The following LCN6 variants were observed in gnomAD, a reference collection of about 807,000 sequenced individuals.
The protein encoded by LCN6 is epididymal-specific lipocalin-6.
Under a neutral mutation model 21.4 loss-of-function variants are expected in LCN6, and 20 were observed. That is an observed-to-expected ratio of 0.93 (90% CI 0.66 to 1.36). LCN6 has a LOEUF of 1.36. LCN6 is among the 40% of genes most tolerant of loss of function. The probability of loss-of-function intolerance (pLI) is 0.00; values close to 1 mark genes in which losing one functional copy is unlikely to be tolerated. For missense variants in LCN6, 217 were observed against 206.6 expected (o/e 1.05, Z -0.31); for synonymous variants, 96 against 89.0 (o/e 1.08, Z -0.44).
intron 2 of LCN6, 45 bp from the exon 3 acceptor site, chr9:136,745,959 G>A (rs544115828): frequency 5.7e-6 from 9 of 1,573,142 alleles, no homozygotes; most frequent in Non-Finnish European, 7.9e-6. Flanking sequence ...CAAGACCCCG[G>A]GGCCCGGTGA....
intron 4 of LCN6, 25 bp downstream of exon 4, chr9:136,745,145 C>T (rs770065011): frequency 2.5e-5 from 34 of 1,361,616 alleles, no homozygotes; most frequent in South Asian, 3.5e-5. Context: ...CAGCTCCCTA[C>T]GTGGGCCCCG....
intron 1 of LCN6, 82 bp downstream of exon 1, chr9:136,748,312 T>TG (rs915118756): frequency 1.6e-6 from 2 of 1,266,170 alleles, no homozygotes; most frequent in African/African-American, 3.0e-5. Flanking sequence ...GGGCTAGCCC[T>TG]GGGGGGCCCA....
Position 136,744,453 on chromosome 9 carries a change from A to T in LCN6, c.*23-89T>A. On this transcript the variant is annotated intron_variant, in intron 5 of 6. Transcript: ENST00000341206. This position sits in a 1 kb window ranked among gnomAD's most constrained non-coding sequence, Gnocchi z 4.2. The stretch of plus-strand genomic sequence containing the variant: ...CCCACAAGACTCGCCTGCCGTGGGG[A>T]CAAGACCCCCAGGCCTGACTTTGGG... 2.0e-6 allele frequency: 1 copy of T among 509,916 alleles called. No homozygotes were observed. Among genetic ancestry groups the T allele is most frequent in the South Asian group, 3.1e-5 (1 of 31,838 alleles). The allele number at this position is 509,916 out of a possible 1,614,324, so 31.6% of individuals were successfully genotyped here.
At position 136,744,527 on chromosome 9, in the gene LCN6, C is replaced by A; in HGVS notation, c.*22+113G>T. The A allele has an allele frequency of 1.5e-6, 1 of 667,926 alleles. No homozygotes were observed. Among genetic ancestry groups the A allele is most frequent in the Non-Finnish European group, 2.6e-6 (1 of 384,156 alleles). 41.4% of individuals were successfully genotyped at this position (667,926 alleles called of 1,614,324 possible). ...AGCCTGCCTGACTCCTTCAGGGCGACTGAGTCAGGCAGAAGCCAGAATCAA... is the reference window on the plus strand; with the variant it reads ...AGCCTGCCTGACTCCTTCAGGGCGAATGAGTCAGGCAGAAGCCAGAATCAA... On this transcript the variant is annotated intron_variant, in intron 5 of 6. Transcript: ENST00000341206. The surrounding 1 kb of genome is among the most constrained non-coding windows in gnomAD (Gnocchi z 4.2).
At chr9:136,746,182 G>C (rs1424714690) in intron 2 of LCN6, among the ~76,000 whole-genome samples, 3 of 151,358 alleles carry the variant, frequency 2.0e-5, no homozygotes, top group African/African-American at 7.3e-5. Flanking sequence ...GGACACAACA[G>C]GAGACTCGAC....
intron 1 of LCN6, 75 bp from the exon 2 acceptor site, chr9:136,747,638 A>G: frequency 1.0e-6 from 1 of 963,256 alleles, no homozygotes; most frequent in Non-Finnish European, 1.4e-6. Context: ...CTCCAGCCTC[A>G]GCCTCCAGCC....
chr9:136,746,152 G>C (rs1053140342), intron 2 of LCN6: 2 of 534,414 alleles, frequency 3.7e-6, no homozygotes, highest in Non-Finnish European at 6.7e-6. Context: ...ATCTCCACCA[G>C]GAACGCTGAA....
chr9:136,744,873 C>T lies in LCN6; in HGVS notation c.413-132G>A. ...GGCCCCGGTCCTTCCAAAGCCACCTCCAGTGCAGCGAGCCTCAAGGTGGGG... is the reference window on the plus strand; with the variant it reads ...GGCCCCGGTCCTTCCAAAGCCACCTTCAGTGCAGCGAGCCTCAAGGTGGGG... On this transcript the variant is annotated intron_variant, in intron 4 of 6. Transcript: ENST00000341206. This position sits in a 1 kb window ranked among gnomAD's most constrained non-coding sequence, Gnocchi z 4.2. 1.4e-6 allele frequency: 1 copy of T among 700,164 alleles called. No individual in the cohort carries two copies. Among genetic ancestry groups the T allele is most frequent in the South Asian group, 1.7e-5 (1 of 58,918 alleles). 43.4% of individuals were successfully genotyped at this position (700,164 alleles called of 1,614,324 possible).
rs770065023 is a variant in LCN6 at position 136,748,487 on chromosome 9, C to T, written c.-4G>A. 1.9e-6 allele frequency: 3 copies of T among 1,612,522 alleles called. No individual in the cohort carries two copies. Among genetic ancestry groups the T allele is most frequent in the African/African-American group, 2.7e-5 (2 of 74,870 alleles). On this transcript the variant is annotated 5_prime_UTR_variant, in exon 1 of 7. Transcript: ENST00000341206. ...CAGCCAGCAGCAGGCCGCCCATCCT[C>T]CCAGGTCTACACTGCGCCGCAGGCC...
chr9:136,746,215 T>G (rs1472519635), intron 2 of LCN6, among the ~76,000 whole-genome samples: 1 of 120,792 alleles, frequency 8.3e-6, no homozygotes, highest in East Asian at 2.7e-4. Context: ...CGCCCGCGAC[T>G]CGGGGGAAAG....
At position 136,745,744 on chromosome 9, in the gene LCN6, G is replaced by T. The variant is rs1847028493; in HGVS notation, c.301+100C>A. ...CAAGACCAGAACCTGTAGCCTCCTGGCTCTCGGGAGCGGAGTCAGCCCTCC... is the reference window on the plus strand; with the variant it reads ...CAAGACCAGAACCTGTAGCCTCCTGTCTCTCGGGAGCGGAGTCAGCCCTCC... On this transcript the variant is annotated intron_variant, in intron 3 of 6. Coordinates refer to ENST00000341206, the MANE Select transcript of LCN6 (RefSeq NM_198946.3). 5.9e-6 allele frequency: 6 copies of T among 1,018,726 alleles called. No homozygotes were observed. In the African/African-American group the frequency reaches 7.9e-5, roughly 13 times the overall value. 63.1% of individuals were successfully genotyped at this position (1,018,726 alleles called of 1,614,324 possible).
intron 2 of LCN6, 108 bp downstream of exon 2, chr9:136,747,316 G>T: frequency 1.5e-6 from 2 of 1,295,648 alleles, no homozygotes; most frequent in Non-Finnish European, 2.1e-6. Context: ...CAGAGGGGCC[G>T]TGGGAAGCCC....
Position 136,744,707 on chromosome 9 carries a change from C to T in LCN6, c.447G>A (p.Gly149=), listed in dbSNP as rs1415319024. Residue 149 remains glycine (G), a synonymous_variant, in exon 5 of 7, where the codon GGG becomes GGA. Transcript: ENST00000341206. The surrounding 1 kb of genome is among the most constrained non-coding windows in gnomAD (Gnocchi z 4.2). The part of the protein sequence containing the change: ...LTETASQEAM[G]LFTKWSRSLG... ...GGCTCCTGCTCCACTTGGTGAAGAG[C>T]CCCATGGCCTCCTGGCTGGCTGTCT... 1.9e-6 allele frequency: 3 copies of T among 1,610,780 alleles called. No homozygotes were observed. Among genetic ancestry groups the T allele is most frequent in the South Asian group, 1.1e-5 (1 of 90,778 alleles).
rs1355866604 is a variant in LCN6, at chr9:136,747,498, G to A, written c.156C>T (p.Asp52=). The A allele has an allele frequency of 1.4e-5, 22 of 1,613,538 alleles. No homozygotes were observed. Among genetic ancestry groups the A allele is most frequent in the Non-Finnish European group, 1.9e-5 (22 of 1,179,896 alleles). ...CCACCACCCCCACGACGTTCTTCAT[G>A]TCCTTCTCCATGGCAAAGCCCTTTT... is the stretch of plus-strand genomic sequence containing the variant. ...SREKGFAMEK[D]MKNVVGVVVT... is the part of the protein sequence containing the mutation. The change falls in exon 2 of 7, where the codon GAC becomes GAT. Residue 52 remains aspartate (D), a synonymous_variant. Coordinates refer to ENST00000341206, the MANE Select transcript of LCN6 (RefSeq NM_198946.3).
At chr9:136,747,318 G>T in intron 2 of LCN6, 106 bp downstream of exon 2, 1 of 1,335,164 alleles carries the variant, frequency 7.5e-7, no homozygotes, top group Non-Finnish European at 1.0e-6. Flanking sequence ...GAGGGGCCGT[G>T]GGAAGCCCCC....
In LCN6 at chr9:136,747,505, T is replaced by C; in HGVS notation, c.149A>G (p.Glu50Gly). Residue 50 changes from glutamate to glycine, a missense_variant, in exon 2 of 7, where the codon GAG (glutamate) becomes GGG (glycine). Physicochemically the swap from Glu to Gly is moderately conservative, Grantham distance 98. Transcript: ENST00000341206. ...CCCCACGACGTTCTTCATGTCCTTCTCCATGGCAAAGCCCTTTTCCCGGGA... is the reference window on the plus strand; with the variant it reads ...CCCCACGACGTTCTTCATGTCCTTCCCCATGGCAAAGCCCTTTTCCCGGGA... ...VASREKGFAM[E>G]KDMKNVVGVV... 6.2e-7 allele frequency: 1 copy of C among 1,613,604 alleles called. No individual in the cohort carries two copies. Among genetic ancestry groups the C allele is most frequent in the African/African-American group, 1.3e-5 (1 of 75,020 alleles).
Position 136,744,786 on chromosome 9 carries a change from TGGGGAGGGGCC to T in LCN6, c.413-56_413-46del, listed in dbSNP as rs772488785. 5 of 889,070 alleles carry T rather than the reference TGGGGAGGGGCC, an allele frequency of 5.6e-6. No homozygotes were observed. In the Admixed American group the frequency reaches 6.2e-5, roughly 11 times the overall value. The allele number at this position is 889,070 out of a possible 1,614,324, so 55.1% of individuals were successfully genotyped here. ...GCAGGGGGAAGCAACCTCTGAGAGC[TGGGGAGGGGCC>T]GGGGAGGGGCTGGGAAGGGTCAGGA... On this transcript the variant is annotated intron_variant, in intron 4 of 6. Coordinates refer to ENST00000341206, the MANE Select transcript of LCN6 (RefSeq NM_198946.3). The surrounding 1 kb of genome is among the most constrained non-coding windows in gnomAD (Gnocchi z 4.2).
chr9:136,747,959 A>G (rs1209131081), intron 1 of LCN6, among the ~76,000 whole-genome samples: 2 of 128,616 alleles, frequency 1.6e-5, no homozygotes, highest in Non-Finnish European at 3.2e-5. Flanking sequence ...TCCAACCTCC[A>G]GCCTGCAGCC....
intron 2 of LCN6, among the ~76,000 whole-genome samples, chr9:136,746,524 G>A (rs567134691): frequency 2.6e-5 from 4 of 152,254 alleles, no homozygotes; most frequent in Non-Finnish European, 5.9e-5. Context: ...GAGTCCATGC[G>A]GGAGGAACAG....
Sources: gnomAD v4.1 joint callset for allele counts (sites outside exome capture counted in the v4.1 genomes callset) on GRCh38, gnomAD v4.1.1 for gene constraint, Gnocchi (gnomAD v3.1) non-coding constraint, MANE v1.5 for transcripts, NCBI Gene and HGNC (gene_info 2026-07-23, HGNC 2026-07-21) for gene names.